Variants in SORCS2 observed in about 807,000 individuals in gnomAD.
The protein encoded by SORCS2 is VPS10 domain-containing receptor SorCS2.
A neutral mutation model predicts 141.6 loss-of-function variants in SORCS2; 100 were observed. The observed-to-expected ratio is 0.71, with a 90% CI of 0.60 to 0.83. The LOEUF (loss-of-function observed/expected upper bound fraction) is 0.83. SORCS2 is among the 40% of genes least tolerant of loss of function. SORCS2 has a pLI of 0.00. For missense variants in SORCS2, 1,646 were observed against 1,560.2 expected (o/e 1.05, Z -0.93); for synonymous variants, 789 against 676.9 (o/e 1.17, Z -2.57).
chr4:7,572,741 CAATT>C (rs1182775516), intron 3 of SORCS2, among the ~76,000 whole-genome samples: 2 of 152,216 alleles, frequency 1.3e-5, no homozygotes, highest in Admixed American at 6.5e-5. Context: ...ACAGCTCCAT[CAATT>C]GTCAATCAAT....
intron 2 of SORCS2, among the ~76,000 whole-genome samples, chr4:7,458,977 T>G: frequency 6.6e-6 from 1 of 150,616 alleles, no homozygotes; most frequent in African/African-American, 2.4e-5. Context: ...CCTGGTGGAG[T>G]GTGGGGGCCG....
At chr4:7,250,537 C>T (rs1158881483) in intron 1 of SORCS2, among the ~76,000 whole-genome samples, 3 of 152,222 alleles carry the variant, frequency 2.0e-5, no homozygotes, top group South Asian at 2.1e-4. Context: ...TGAGACATAT[C>T]GTTGGATCCT....
intron 1 of SORCS2, among the ~76,000 whole-genome samples, chr4:7,209,067 C>A (rs1056221697): frequency 6.6e-6 from 1 of 152,200 alleles, no homozygotes; most frequent in Non-Finnish European, 1.5e-5. Context: ...TGTGGCCCTG[C>A]AAGCTGCAGA....
intron 1 of SORCS2, among the ~76,000 whole-genome samples, chr4:7,263,475 T>A (rs1246537129): frequency 6.6e-6 from 1 of 152,172 alleles, no homozygotes; most frequent in African/African-American, 2.4e-5. Context: ...ATCGTCTGCC[T>A]CATTGTCCTG....
intron 2 of SORCS2, among the ~76,000 whole-genome samples, chr4:7,397,190 A>AT (rs1296731406): frequency 7.2e-5 from 11 of 152,024 alleles, no homozygotes; most frequent in African/African-American, 2.2e-4. Context: ...GAGTTGGTTT[A>AT]TTTTCCATTT....
At chr4:7,370,370 G>A (rs1429876287) in intron 1 of SORCS2, among the ~76,000 whole-genome samples, 2 of 152,138 alleles carry the variant, frequency 1.3e-5, no homozygotes, top group East Asian at 1.9e-4. Flanking sequence ...CTGAGCGTGC[G>A]GCTCGGCTCT....
In SORCS2 at chr4:7,523,255, G is replaced by A. The variant is rs77505952; in HGVS notation, c.549-8275G>A. ...CGCTAAGGAAGATGTACAGGAATTC[G>A]ATCCACGAGTGTCAGTGCTAGTGCT... is the stretch of plus-strand genomic sequence containing the variant. On this transcript the variant is annotated intron_variant, in intron 2 of 26. Coordinates refer to ENST00000507866, the MANE Select transcript of SORCS2 (RefSeq NM_020777.3). Among the ~76,000 whole-genome samples the A allele has an allele frequency of 5.4e-3, 820 of 152,228 alleles. 5 individuals carry two copies. Among genetic ancestry groups the A allele is most frequent in the African/African-American group, 0.019 (783 of 41,540 alleles).
chr4:7,305,819 C>T (rs1371398612), intron 1 of SORCS2, among the ~76,000 whole-genome samples: 1 of 152,204 alleles, frequency 6.6e-6, no homozygotes, highest in Non-Finnish European at 1.5e-5. Context: ...CTCTGCTGCC[C>T]AGAGCACAGT....
chr4:7,252,469 A>G (rs1052818189), intron 1 of SORCS2, among the ~76,000 whole-genome samples: 6 of 152,308 alleles, frequency 3.9e-5, no homozygotes, highest in Non-Finnish European at 8.8e-5. Flanking sequence ...TTTTTTTGGA[A>G]TGTTCCTATG....
chr4:7,489,409 C>G (rs1731187033), intron 2 of SORCS2, among the ~76,000 whole-genome samples: 2 of 152,004 alleles, frequency 1.3e-5, no homozygotes, highest in African/African-American at 4.8e-5. Flanking sequence ...TCCTTGGCTG[C>G]TTGAGTTCTC....
At chr4:7,658,975 G>T (rs1175636952) in intron 5 of SORCS2, among the ~76,000 whole-genome samples, 1 of 152,208 alleles carries the variant, frequency 6.6e-6, no homozygotes, top group Non-Finnish European at 1.5e-5. Context: ...CTCATCTTGA[G>T]GCTCAGTTTG....
chr4:7,583,939 C>T (rs140554032), intron 3 of SORCS2, among the ~76,000 whole-genome samples: 125 of 152,298 alleles, frequency 8.2e-4, no homozygotes, highest in African/African-American at 2.8e-3. Flanking sequence ...TAATGTGCTA[C>T]GTCTTATATG....
chr4:7,406,938 C>A (rs1725005970), intron 2 of SORCS2, among the ~76,000 whole-genome samples: 1 of 151,920 alleles, frequency 6.6e-6, no homozygotes, highest in Admixed American at 6.6e-5. Context: ...TCTTTATTGA[C>A]CCATTGGCCG....
intron 2 of SORCS2, among the ~76,000 whole-genome samples, chr4:7,439,104 G>A (rs527776335): frequency 3.2e-4 from 49 of 152,086 alleles, no homozygotes; most frequent in African/African-American, 8.2e-4. Context: ...CTGTGCTGTC[G>A]TGCCTTTTAG....
At chr4:7,404,482 G>T (rs536729551) in intron 2 of SORCS2, among the ~76,000 whole-genome samples, 14 of 152,152 alleles carry the variant, frequency 9.2e-5, no homozygotes, top group African/African-American at 3.1e-4. Flanking sequence ...GTGTACAAGA[G>T]TTGCACTGTT....
At chr4:7,373,103 A>T (rs983399521) in intron 1 of SORCS2, among the ~76,000 whole-genome samples, 9 of 149,790 alleles carry the variant, frequency 6.0e-5, no homozygotes, top group African/African-American at 2.0e-4. Flanking sequence ...TTAAATACGT[A>T]GCCGTGACAT....
chr4:7,698,623 G>A (rs1486217406), intron 12 of SORCS2, among the ~76,000 whole-genome samples: 2 of 152,240 alleles, frequency 1.3e-5, no homozygotes, highest in Non-Finnish European at 2.9e-5. Flanking sequence ...AGTCATAGCA[G>A]TCGCTTTTGC....
chr4:7,417,927 A>G (rs543996993), intron 2 of SORCS2, among the ~76,000 whole-genome samples: 1 of 152,306 alleles, frequency 6.6e-6, no homozygotes, highest in African/African-American at 2.4e-5. Flanking sequence ...TGCCACAGGA[A>G]AACATAAGAG....
chr4:7,609,926 G>A (rs1401648467), intron 3 of SORCS2, among the ~76,000 whole-genome samples: 6 of 152,188 alleles, frequency 3.9e-5, no homozygotes, highest in Admixed American at 6.5e-5. Flanking sequence ...GAATGCAGCC[G>A]GGCACCCTAT....
Sources: allele counts gnomAD v4.1 joint callset (sites outside exome capture counted in the v4.1 genomes callset), GRCh38; gene constraint gnomAD v4.1.1; transcripts MANE v1.5; gene names NCBI Gene and HGNC (gene_info 2026-07-23, HGNC 2026-07-21).